Variants in ROBO2 observed in about 807,000 individuals in gnomAD.
The protein encoded by ROBO2 is roundabout guidance receptor 2.
A neutral mutation model predicts 160.8 loss-of-function variants in ROBO2; 53 were observed. That is an observed-to-expected ratio of 0.33 (90% CI 0.26 to 0.41). The LOEUF is 0.41. Ranked by LOEUF, ROBO2 falls within the 10% of genes least tolerant of loss-of-function variation. ROBO2 has a pLI of 1.00. For synonymous variants in ROBO2, 664 were observed against 611.7 expected, an observed-to-expected ratio of 1.09 and a Z score of -1.26; for missense variants, 1,577 against 1,722.4, an observed-to-expected ratio of 0.92 and a Z score of 1.49.
intron 2 of ROBO2, among the ~76,000 whole-genome samples, chr3:77,104,450 T>C (rs180905039): frequency 6.6e-6 from 1 of 152,308 alleles, no homozygotes; most frequent in Admixed American, 6.5e-5. Context: ...ACATAACCAC[T>C]TTTTATTTAT....
intron 2 of ROBO2, 146 bp downstream of exon 2, chr3:77,098,486 A>C: frequency 1.2e-6 from 1 of 815,270 alleles, no homozygotes; most frequent in South Asian, 1.6e-5. Flanking sequence ...AAGTCTGGTC[A>C]AGATAGTATC....
intron 2 of ROBO2, among the ~76,000 whole-genome samples, chr3:76,402,379 GCT>G (rs1465531328): frequency 6.6e-6 from 1 of 151,456 alleles, no homozygotes. Flanking sequence ...AGGTGGGGCA[GCT>G]CTCTTCCTTG....
intron 2 of ROBO2, among the ~76,000 whole-genome samples, chr3:77,254,018 T>C (rs1252211104): frequency 6.6e-6 from 1 of 152,248 alleles, no homozygotes; most frequent in Admixed American, 6.5e-5. Flanking sequence ...CAGCATTTAA[T>C]TCATTTGAAA....
chr3:77,624,321 G>A (rs1583350394), intron 23 of ROBO2, among the ~76,000 whole-genome samples: 1 of 152,132 alleles, frequency 6.6e-6, no homozygotes, highest in Non-Finnish European at 1.5e-5. Flanking sequence ...GTGCTTATAA[G>A]TGTGTGTGTG....
At chr3:76,124,764 T>C (rs13065769) in intron 2 of ROBO2, among the ~76,000 whole-genome samples, 40,624 of 152,070 alleles carry the variant, frequency 0.27, 5,890 homozygotes, top group Non-Finnish European at 0.33. Flanking sequence ...CATATATTTT[T>C]TTCTGATCTG....
intron 2 of ROBO2, among the ~76,000 whole-genome samples, chr3:76,288,481 TC>T (rs1243228381): frequency 6.6e-6 from 1 of 151,898 alleles, no homozygotes; most frequent in East Asian, 1.9e-4. Context: ...TCAGACTAGA[TC>T]TTTTTTTTTT....
chr3:77,169,780 A>G (rs1023493818), intron 2 of ROBO2, among the ~76,000 whole-genome samples: 2 of 152,018 alleles, frequency 1.3e-5, no homozygotes, highest in African/African-American at 4.8e-5. Flanking sequence ...TCACTCTAAG[A>G]AGGTAGTTCC....
At chr3:76,497,601 C>T (rs2080223270) in intron 2 of ROBO2, among the ~76,000 whole-genome samples, 2 of 152,164 alleles carry the variant, frequency 1.3e-5, no homozygotes, top group South Asian at 4.1e-4. Context: ...GGCTGTAGTG[C>T]TCAGTTATTT....
chr3:76,982,179 C>A (rs1024614253), intron 2 of ROBO2, among the ~76,000 whole-genome samples: 9 of 152,144 alleles, frequency 5.9e-5, no homozygotes, highest in Non-Finnish European at 8.8e-5. Context: ...TTAAGATTTA[C>A]CCCTATGTTT....
intron 2 of ROBO2, among the ~76,000 whole-genome samples, chr3:76,913,708 A>G (rs1187668666): frequency 1.3e-5 from 2 of 152,216 alleles, no homozygotes; most frequent in Non-Finnish European, 2.9e-5. Flanking sequence ...GGGCCACTGC[A>G]AGATCATTCC....
chr3:76,108,294 G>T (rs2070042748), intron 2 of ROBO2, among the ~76,000 whole-genome samples: 1 of 151,946 alleles, frequency 6.6e-6, no homozygotes, highest in African/African-American at 2.4e-5. Flanking sequence ...TGAAAGATTG[G>T]TTTAGTTGTT....
At chr3:77,629,701 A>T (rs576580378) in intron 23 of ROBO2, 1 of 152,204 alleles carries the variant, frequency 6.6e-6, no homozygotes, top group Non-Finnish European at 1.5e-5. Flanking sequence ...TCCTTATTTA[A>T]TAAACTTTCT....
intron 5 of ROBO2, among the ~76,000 whole-genome samples, chr3:77,520,794 GA>G (rs1301304054): frequency 6.6e-6 from 1 of 151,304 alleles, no homozygotes; most frequent in Non-Finnish European, 1.5e-5. Context: ...GCTAACTGTA[GA>G]AAAGATTATT....
At chr3:77,024,052 G>A (rs906695529) in intron 2 of ROBO2, among the ~76,000 whole-genome samples, 5 of 151,994 alleles carry the variant, frequency 3.3e-5, no homozygotes, top group Admixed American at 1.3e-4. Context: ...TTTGTAGATC[G>A]TGTATATATG....
intron 2 of ROBO2, among the ~76,000 whole-genome samples, chr3:77,458,607 G>GA (rs1184473959): frequency 2.0e-5 from 3 of 148,210 alleles, no homozygotes; most frequent in Non-Finnish European, 3.0e-5. Flanking sequence ...TTTTTTTTAT[G>GA]AAAAAAAGGC....
At chr3:77,106,911 A>G (rs1393953492) in intron 2 of ROBO2, among the ~76,000 whole-genome samples, 1 of 152,212 alleles carries the variant, frequency 6.6e-6, no homozygotes, top group East Asian at 1.9e-4. Flanking sequence ...GTTTCTCTAA[A>G]CTATTTGAAG....
intron 2 of ROBO2, among the ~76,000 whole-genome samples, chr3:76,708,110 C>T (rs1206821464): frequency 2.0e-5 from 3 of 152,100 alleles, no homozygotes; most frequent in Non-Finnish European, 4.4e-5. Context: ...ATCTTTATAT[C>T]TCTGAAATTG....
chr3:76,085,091 C>A (rs968046037), intron 2 of ROBO2, among the ~76,000 whole-genome samples: 1 of 145,718 alleles, frequency 6.9e-6, no homozygotes, highest in African/African-American at 2.6e-5. Flanking sequence ...TAACACAAAC[C>A]CCCCAGTTTA....
intron 2 of ROBO2, among the ~76,000 whole-genome samples, chr3:76,610,931 A>T (rs1194969404): frequency 6.6e-6 from 1 of 152,314 alleles, no homozygotes; most frequent in Admixed American, 6.5e-5. Context: ...AGAGTGAATA[A>T]GGCAGATAAT....
Sources: allele counts gnomAD v4.1 joint callset (sites outside exome capture counted in the v4.1 genomes callset), GRCh38; gene constraint gnomAD v4.1.1; transcripts MANE v1.5; gene names NCBI Gene and HGNC (gene_info 2026-07-23, HGNC 2026-07-21).